HSF1: variants seen among roughly 807,000 people sequenced by gnomAD.
HSF1 encodes the protein heat shock factor protein 1.
Under a neutral mutation model 51.7 loss-of-function variants are expected in HSF1, and 32 were observed. The observed-to-expected ratio is 0.62, with a 90% CI of 0.47 to 0.83. The LOEUF is 0.83. Ranked by LOEUF, HSF1 falls within the 40% of genes least tolerant of loss-of-function variation. The pLI, the probability that HSF1 is intolerant of heterozygous loss-of-function variation, is 0.00. For missense variants in HSF1, 727 were observed against 717.0 expected (o/e 1.01, Z -0.16); for synonymous variants, 396 against 309.7 (o/e 1.28, Z -2.92).
chr8:144,300,604 A>T (rs540826667), intron 1 of HSF1, among the ~76,000 whole-genome samples: 1 of 152,330 alleles, frequency 6.6e-6, no homozygotes, highest in East Asian at 1.9e-4. Flanking sequence ...TGATGAAAAA[A>T]CATCAAACAA....
intron 1 of HSF1, among the ~76,000 whole-genome samples, chr8:144,305,853 C>G (rs937903532): frequency 4.0e-5 from 6 of 151,448 alleles, no homozygotes; most frequent in Non-Finnish European, 8.8e-5. Context: ...CTGCCTCAGC[C>G]TCCTGAGTAG....
intron 1 of HSF1, among the ~76,000 whole-genome samples, chr8:144,302,149 C>G (rs1461831869): frequency 7.2e-6 from 1 of 139,684 alleles, no homozygotes; most frequent in African/African-American, 2.7e-5. Flanking sequence ...CTGGGCGACA[C>G]AGCGAGACTC....
chr8:144,311,705 C>T lies in HSF1; in HGVS notation c.729C>T (p.Pro243=). 6.2e-7 allele frequency: 1 copy of T among 1,609,256 alleles called. No individual in the cohort carries two copies. ...HVHGSGPYSA[P]SPAYSSSSLY... is the part of the protein sequence containing the mutation. ...CCTCCTGCCTTTGATTGCAGGCCCC[C>T]TCCCCAGCCTACAGCAGCTCCAGCC... The change falls in exon 8 of 13, where the codon CCC becomes CCT. Residue 243 remains proline (P), a synonymous_variant. Coordinates refer to ENST00000528838, the MANE Select transcript of HSF1 (RefSeq NM_005526.4).
chr8:144,300,249 G>A (rs1337094805), intron 1 of HSF1, among the ~76,000 whole-genome samples: 4 of 121,496 alleles, frequency 3.3e-5, no homozygotes, highest in Admixed American at 1.2e-4. Context: ...ACGGAGTCTC[G>A]CTCTGTTGCC....
intron 1 of HSF1, among the ~76,000 whole-genome samples, chr8:144,301,674 G>A (rs542714244): frequency 2.0e-5 from 3 of 152,016 alleles, no homozygotes. Flanking sequence ...AGACCATCCT[G>A]GCTAATACAG....
At chr8:144,293,179 C>A in intron 1 of HSF1, among the ~76,000 whole-genome samples, 1 of 152,228 alleles carries the variant, frequency 6.6e-6, no homozygotes, top group Admixed American at 6.5e-5. Context: ...TTTTCTGCTT[C>A]TTGGGTTTAC....
At chr8:144,295,968 C>T (rs1815425781) in intron 1 of HSF1, among the ~76,000 whole-genome samples, 1 of 152,164 alleles carries the variant, frequency 6.6e-6, no homozygotes, top group African/African-American at 2.4e-5. Flanking sequence ...CTGGCCCCAG[C>T]CTCATGGGTG....
chr8:144,294,477 C>T (rs1352579333), intron 1 of HSF1, among the ~76,000 whole-genome samples: 1 of 152,210 alleles, frequency 6.6e-6, no homozygotes, highest in Non-Finnish European at 1.5e-5. Context: ...CAAGAAAAAC[C>T]CTCCCTATTT....
chr8:144,312,529 C>T lies in HSF1; in HGVS notation c.1142+285C>T, dbSNP rs1323460976. 35 of 1,101,718 alleles carry T rather than the reference C, an allele frequency of 3.2e-5. No individual in the cohort carries two copies. In the East Asian group the frequency reaches 3.7e-4, roughly 11 times the overall value. 68.2% of individuals were successfully genotyped at this position (1,101,718 alleles called of 1,614,324 possible). ...CCACAGGCCACGGGCCCTGGCAGGTCGTGCTGCCCAGACACATGGCAGGAG... is the reference window on the plus strand; with the variant it reads ...CCACAGGCCACGGGCCCTGGCAGGTTGTGCTGCCCAGACACATGGCAGGAG... On this transcript the variant is annotated intron_variant, in intron 9 of 12. Transcript: ENST00000528838.
intron 1 of HSF1, among the ~76,000 whole-genome samples, chr8:144,308,680 C>T (rs1554843695): frequency 6.6e-6 from 1 of 152,232 alleles, no homozygotes; most frequent in Non-Finnish European, 1.5e-5. Context: ...CAGTCCTGGG[C>T]CTCACAGTGA....
Position 144,297,891 on chromosome 8 carries a change from C to G in HSF1, c.117+6017C>G, listed in dbSNP as rs1815576128. On this transcript the variant is annotated intron_variant, in intron 1 of 12. Coordinates refer to ENST00000528838, the MANE Select transcript of HSF1 (RefSeq NM_005526.4). This position sits in a 1 kb window ranked among gnomAD's most constrained non-coding sequence, Gnocchi z 4.6. ...GAGAAGATACTCAGAGACACAGACACTTTCTATGTAAGGTGTCCCTACAGG... is the reference window on the plus strand; with the variant it reads ...GAGAAGATACTCAGAGACACAGACAGTTTCTATGTAAGGTGTCCCTACAGG... 1.3e-5 allele frequency among the ~76,000 whole-genome samples: 2 copies of G among 152,208 alleles called. No individual in the cohort carries two copies. The highest frequency in any genetic ancestry group is 2.9e-5 in the Non-Finnish European group (2 of 68,044).
At position 144,314,417 on chromosome 8, in the gene HSF1, G is replaced by C. The variant is rs1554846327; in HGVS notation, c.*87G>C. On this transcript the variant is annotated 3_prime_UTR_variant, in exon 13 of 13. Coordinates refer to ENST00000528838, the MANE Select transcript of HSF1 (RefSeq NM_005526.4). The stretch of plus-strand genomic sequence containing the variant: ...GAGGCAGGGCAGCCTCGCGGTCTTG[G>C]GCACTGGTGGGTCGGCCGCCATAGC... 5 of 1,202,120 alleles carry C rather than the reference G, an allele frequency of 4.2e-6. No individual in the cohort carries two copies. The highest frequency in any genetic ancestry group is 1.5e-5 in the African/African-American group (1 of 65,896). 74.5% of individuals were successfully genotyped at this position (1,202,120 alleles called of 1,614,324 possible).
intron 1 of HSF1, among the ~76,000 whole-genome samples, chr8:144,303,734 C>T (rs1304377310): frequency 2.6e-5 from 4 of 152,022 alleles, no homozygotes; most frequent in Non-Finnish European, 2.9e-5. Flanking sequence ...AAAAATAAGC[C>T]GGGCGTGGTG....
intron 4 of HSF1, chr8:144,310,153 C>T (rs1020902287): frequency 1.5e-5 from 7 of 470,532 alleles, no homozygotes; most frequent in Middle Eastern, 1.1e-3. Context: ...CCCTCTGGGC[C>T]ATTGGCTTCT....
In HSF1 at chr8:144,297,603, C is replaced by T. The variant is rs1444686425; in HGVS notation, c.117+5729C>T. Reference sequence around the variant, plus strand: ...CTCGCGCTTCCTGCCTGCCTCACTGCTTCCATGCCCTGACTCCGGTGGTCC... The same window carrying T: ...CTCGCGCTTCCTGCCTGCCTCACTGTTTCCATGCCCTGACTCCGGTGGTCC... On this transcript the variant is annotated intron_variant, in intron 1 of 12. Coordinates refer to ENST00000528838, the MANE Select transcript of HSF1 (RefSeq NM_005526.4). This position sits in a 1 kb window ranked among gnomAD's most constrained non-coding sequence, Gnocchi z 4.6. 1.3e-5 allele frequency among the ~76,000 whole-genome samples: 2 copies of T among 152,230 alleles called. No individual in the cohort carries two copies. The highest frequency in any genetic ancestry group is 2.4e-5 in the African/African-American group (1 of 41,454).
At chr8:144,304,075 G>A (rs1037038786) in intron 1 of HSF1, among the ~76,000 whole-genome samples, 1 of 152,084 alleles carries the variant, frequency 6.6e-6, no homozygotes, top group South Asian at 2.1e-4. Context: ...ACTTGGAGTC[G>A]GTGAGGATGT....
rs1430320628 is a variant in HSF1, at chr8:144,314,676, GA to G, written c.*347del. On this transcript the variant is annotated 3_prime_UTR_variant, in exon 13 of 13. Transcript: ENST00000528838. ...CACAGATATATACACACAGTGGATG[GA>G]CGGACAAGACAGGCAGAGATCTATA... 1 of 303,292 alleles carries G rather than the reference GA, an allele frequency of 3.3e-6. No individual in the cohort carries two copies. Among genetic ancestry groups the G allele is most frequent in the Non-Finnish European group, 6.3e-6 (1 of 158,894 alleles). 18.8% of individuals were successfully genotyped at this position (303,292 alleles called of 1,614,324 possible).
intron 4 of HSF1, chr8:144,310,840 C>G: frequency 2.6e-6 from 1 of 387,352 alleles, no homozygotes; most frequent in Non-Finnish European, 4.8e-6. Context: ...GGAAGGGCGG[C>G]CCAAGGGTCT....
chr8:144,313,484 T>A, intron 9 of HSF1, 27 bp from the exon 10 acceptor site: 1 of 1,486,064 alleles, frequency 6.7e-7, no homozygotes, highest in South Asian at 1.1e-5. Flanking sequence ...GGGGCACTGG[T>A]TCAGGTACCG....
Sources: allele counts gnomAD v4.1 joint callset (sites outside exome capture counted in the v4.1 genomes callset), GRCh38; gene constraint gnomAD v4.1.1; non-coding constraint Gnocchi (gnomAD v3.1); transcripts MANE v1.5; gene names NCBI Gene and HGNC (gene_info 2026-07-23, HGNC 2026-07-21).